Variants in MAD1L1 observed in about 807,000 individuals in gnomAD.
MAD1L1 encodes mitotic spindle assembly checkpoint protein MAD1.
Under a neutral mutation model 96.9 loss-of-function variants are expected in MAD1L1, and 95 were observed. That is an observed-to-expected ratio of 0.98 (90% confidence interval 0.83 to 1.16). MAD1L1 has a LOEUF of 1.16. Ranked by LOEUF, MAD1L1 falls within the 50% of genes most tolerant of loss-of-function variation. MAD1L1 has a pLI of 0.00. For missense variants in MAD1L1, 1,007 were observed against 954.4 expected, an observed-to-expected ratio of 1.06 and a Z score of -0.73; for synonymous variants, 473 against 396.6, an observed-to-expected ratio of 1.19 and a Z score of -2.29.
intron 11 of MAD1L1, among the ~76,000 whole-genome samples, chr7:2,123,654 G>A (rs982361424): frequency 6.6e-6 from 1 of 152,182 alleles, no homozygotes; most frequent in Admixed American, 6.5e-5. Flanking sequence ...AGGACTCACG[G>A]GGACATGCGA....
intron 9 of MAD1L1, 43 bp downstream of exon 9, chr7:2,215,842 G>A: frequency 6.4e-7 from 1 of 1,565,826 alleles, no homozygotes; most frequent in Non-Finnish European, 8.8e-7. Flanking sequence ...TCCAGGCAGG[G>A]CAGAGGACAC....
intron 11 of MAD1L1, among the ~76,000 whole-genome samples, chr7:2,133,853 G>A (rs7804788): frequency 0.046 from 6,935 of 152,248 alleles, 207 homozygotes; most frequent in African/African-American, 0.073. Context: ...GTATATCTGT[G>A]TGGGTCTATC....
chr7:2,122,601 CA>C (rs796874724), intron 11 of MAD1L1, among the ~76,000 whole-genome samples: 14 of 144,034 alleles, frequency 9.7e-5, no homozygotes, highest in Non-Finnish European at 9.2e-5. Context: ...GACTCTGTTT[CA>C]AAAAAAAAAA....
At chr7:1,878,446 T>C (rs796401424) in intron 18 of MAD1L1, among the ~76,000 whole-genome samples, 5 of 152,142 alleles carry the variant, frequency 3.3e-5, no homozygotes, top group African/African-American at 9.6e-5. Context: ...CTATCAATTG[T>C]ATAAAAAGGG....
chr7:2,173,604 T>C (rs1048044686), intron 10 of MAD1L1, among the ~76,000 whole-genome samples: 4 of 152,154 alleles, frequency 2.6e-5, no homozygotes, highest in Admixed American at 6.5e-5. Flanking sequence ...AATCTCGTCT[T>C]TGGGGAGACT....
At chr7:2,161,540 T>A (rs1307529339) in intron 10 of MAD1L1, among the ~76,000 whole-genome samples, 2 of 152,042 alleles carry the variant, frequency 1.3e-5, no homozygotes, top group African/African-American at 4.8e-5. Context: ...ATCTAGGAAG[T>A]GAGGAGCGTC....
At chr7:1,941,388 A>G (rs1034904764) in intron 16 of MAD1L1, among the ~76,000 whole-genome samples, 9 of 152,266 alleles carry the variant, frequency 5.9e-5, no homozygotes, top group East Asian at 1.9e-4. Context: ...ACAATTCTGT[A>G]TATTAGAGGA....
intron 11 of MAD1L1, among the ~76,000 whole-genome samples, chr7:2,125,228 G>C (rs1421857208): frequency 2.6e-5 from 4 of 152,216 alleles, no homozygotes; most frequent in Admixed American, 2.6e-4. Flanking sequence ...CACTCCAGCA[G>C]GTCCTGGACC....
chr7:2,153,384 A>T (rs781440013), intron 10 of MAD1L1, among the ~76,000 whole-genome samples: 4 of 152,256 alleles, frequency 2.6e-5, no homozygotes, highest in Non-Finnish European at 4.4e-5. Flanking sequence ...TAGGCAAAGG[A>T]CACAAAGAGA....
intron 13 of MAD1L1, among the ~76,000 whole-genome samples, chr7:2,010,170 G>A (rs1177497196): frequency 2.2e-5 from 3 of 137,724 alleles, no homozygotes; most frequent in Non-Finnish European, 4.5e-5. Context: ...ACACTCACAA[G>A]TATTGGGCCT....
chr7:2,125,428 G>A (rs1788186104), intron 11 of MAD1L1, among the ~76,000 whole-genome samples: 1 of 152,196 alleles, frequency 6.6e-6, no homozygotes, highest in East Asian at 1.9e-4. Context: ...TCAAAACAAT[G>A]GGTAGTGATG....
rs149037736 is a variant in MAD1L1, at chr7:2,192,628, C to T, written c.986+20584G>A. ...CCCAGGCTCCTAGGGAACTGATTCTCCACAGAGTAAAGTTTTTTAAAAAAT... is the reference window on the plus strand; with the variant it reads ...CCCAGGCTCCTAGGGAACTGATTCTTCACAGAGTAAAGTTTTTTAAAAAAT... On this transcript the variant is annotated intron_variant, in intron 10 of 18. Coordinates refer to ENST00000265854, the MANE Select transcript of MAD1L1 (RefSeq NM_001013836.2). Among the ~76,000 whole-genome samples, 219 of 152,254 alleles carry T rather than the reference C, an allele frequency of 1.4e-3. 1 individual carries two copies. Among genetic ancestry groups the T allele is most frequent in the African/African-American group, 5.1e-3 (210 of 41,534 alleles).
At position 1,898,388 on chromosome 7, in the gene MAD1L1, G is replaced by C. The variant is rs1161170950; in HGVS notation, c.1810C>G (p.Leu604Val). Residue 604 changes from leucine to valine, a missense_variant and splice_region_variant, in exon 18 of 19, where the codon CTG becomes GTG. By Grantham distance (32) the Leu-to-Val change is conservative. Transcript: ENST00000265854. ...TCGGCACTCTCCACCTGCTTCTTCA[G>C]CTCTGCGGGAGGGACGGAAGGAGAC... The part of the protein sequence containing the change: ...SLPSSKEVAE[L>V]KKQVESAELK... The C allele has an allele frequency of 1.2e-6, 2 of 1,613,760 alleles. No homozygotes were observed. The highest frequency in any genetic ancestry group is 1.7e-6 in the Non-Finnish European group (2 of 1,179,866).
Position 1,980,551 on chromosome 7 carries a change from A to G in MAD1L1, c.1417-10T>C, listed in dbSNP as rs1780855846. Reference sequence around the variant, plus strand: ...TCAGCTCCATCTCCAGCTAGGAGAAAGCAAAGGATAGAGGGTCAGCAGACA... The same window carrying G: ...TCAGCTCCATCTCCAGCTAGGAGAAGGCAAAGGATAGAGGGTCAGCAGACA... On this transcript the variant is annotated splice_polypyrimidine_tract_variant and intron_variant, in intron 14 of 18. Coordinates refer to ENST00000265854, the MANE Select transcript of MAD1L1 (RefSeq NM_001013836.2). 1 of 1,606,770 alleles carries G rather than the reference A, an allele frequency of 6.2e-7. No individual in the cohort carries two copies. Among genetic ancestry groups the G allele is most frequent in the Non-Finnish European group, 8.5e-7 (1 of 1,176,030 alleles).
At chr7:2,057,031 A>ACC (rs1228301979) in intron 12 of MAD1L1, among the ~76,000 whole-genome samples, 2 of 152,130 alleles carry the variant, frequency 1.3e-5, no homozygotes, top group Non-Finnish European at 2.9e-5. Flanking sequence ...GCGCCTGTTC[A>ACC]CCGGCTTCCC....
chr7:1,933,341 G>A (rs959218261), intron 17 of MAD1L1, among the ~76,000 whole-genome samples: 4 of 152,272 alleles, frequency 2.6e-5, no homozygotes, highest in South Asian at 2.1e-4. Context: ...TGGGCTGCTC[G>A]GATACACAGG....
At chr7:2,078,429 A>G (rs1785482516) in intron 11 of MAD1L1, among the ~76,000 whole-genome samples, 1 of 152,196 alleles carries the variant, frequency 6.6e-6, no homozygotes, top group African/African-American at 2.4e-5. Flanking sequence ...GAGCATCAAG[A>G]GGTCCCAGTT....
intron 18 of MAD1L1, among the ~76,000 whole-genome samples, chr7:1,835,019 A>T (rs886164926): frequency 4.6e-5 from 7 of 152,214 alleles, no homozygotes; most frequent in African/African-American, 1.7e-4. Context: ...CTAGAAAATC[A>T]AAGTAATTCC....
At chr7:2,137,731 A>C (rs1316223980) in intron 11 of MAD1L1, among the ~76,000 whole-genome samples, 1 of 152,164 alleles carries the variant, frequency 6.6e-6, no homozygotes, top group African/African-American at 2.4e-5. Flanking sequence ...AGGCTCCCAC[A>C]CAGGCCAGAT....
Sources: allele counts gnomAD v4.1 joint callset (sites outside exome capture counted in the v4.1 genomes callset), GRCh38; gene constraint gnomAD v4.1.1; transcripts MANE v1.5; gene names NCBI Gene and HGNC (gene_info 2026-07-23, HGNC 2026-07-21).